Variants in NKAIN2 observed in about 807,000 individuals in gnomAD.
NKAIN2 encodes the protein sodium/potassium transporting ATPase interacting 2.
In NKAIN2, 14 loss-of-function variants were observed where a neutral mutation model predicts 32.6. That is an observed-to-expected ratio of 0.43 (90% CI 0.28 to 0.67). The LOEUF is 0.67. Among genes scored for constraint, NKAIN2 ranks in the 30% least tolerant of loss-of-function variants. NKAIN2 has a pLI of 0.17. For synonymous variants in NKAIN2, 80 were observed against 87.2 expected, an observed-to-expected ratio of 0.92 and a Z score of 0.46; for missense variants, 198 against 258.3, an observed-to-expected ratio of 0.77 and a Z score of 1.60.
Position 123,926,676 on chromosome 6 carries a change from G to T in NKAIN2, c.54+122422G>T, listed in dbSNP as rs956092119. On this transcript the variant is annotated intron_variant, in intron 1 of 6. Coordinates refer to ENST00000368417, the MANE Select transcript of NKAIN2 (RefSeq NM_001040214.3). ...CTCATCTTGATTTTAATAGTCATTGGTTTTTTCAGACTGTGTTAATATTTT... is the reference window on the plus strand; with the variant it reads ...CTCATCTTGATTTTAATAGTCATTGTTTTTTTCAGACTGTGTTAATATTTT... 3.3e-5 allele frequency among the ~76,000 whole-genome samples: 5 copies of T among 152,166 alleles called. No individual in the cohort carries two copies. The East Asian group carries it at 7.7e-4, about 24-fold the overall frequency.
intron 3 of NKAIN2, among the ~76,000 whole-genome samples, chr6:124,653,444 CAAAAAAAAA>C (rs35842873): frequency 0.015 from 1,167 of 79,764 alleles, 26 homozygotes; most frequent in African/African-American, 0.057. Flanking sequence ...CATCCACATG[CAAAAAAAAA>C]AAAAAAAAAA....
intron 1 of NKAIN2, among the ~76,000 whole-genome samples, chr6:124,241,794 T>G (rs1297363373): frequency 6.6e-6 from 1 of 151,912 alleles, no homozygotes; most frequent in Admixed American, 6.6e-5. Context: ...CCTTGTAAAA[T>G]CTATTTAATA....
chr6:123,825,657 G>GC (rs1441093489), intron 1 of NKAIN2, among the ~76,000 whole-genome samples: 2 of 152,228 alleles, frequency 1.3e-5, no homozygotes, highest in Middle Eastern at 3.4e-3. Context: ...TTCAGACTGA[G>GC]CTTTGTTTTG....
intron 3 of NKAIN2, among the ~76,000 whole-genome samples, chr6:124,598,049 T>C (rs1782158321): frequency 1.3e-5 from 2 of 152,278 alleles, no homozygotes; most frequent in South Asian, 2.1e-4. Flanking sequence ...TTTGAAGCTG[T>C]CTAACCTTTT....
chr6:124,403,084 A>G (rs373802243), intron 3 of NKAIN2, among the ~76,000 whole-genome samples: 1 of 138,770 alleles, frequency 7.2e-6, no homozygotes, highest in Non-Finnish European at 1.7e-5. Context: ...ACGTTGATTC[A>G]TTTGTTAGAA....
chr6:124,160,558 A>G (rs747553189), intron 1 of NKAIN2, among the ~76,000 whole-genome samples: 1 of 152,180 alleles, frequency 6.6e-6, no homozygotes, highest in Non-Finnish European at 1.5e-5. Context: ...TATGTTTTGC[A>G]TATATTCAGC....
intron 2 of NKAIN2, among the ~76,000 whole-genome samples, chr6:124,300,984 C>T (rs573797245): frequency 6.6e-6 from 1 of 152,254 alleles, no homozygotes; most frequent in African/African-American, 2.4e-5. Context: ...TAACAAGGAG[C>T]CAAATGCTAA....
At chr6:123,978,418 T>C (rs1441406542) in intron 1 of NKAIN2, among the ~76,000 whole-genome samples, 1 of 152,148 alleles carries the variant, frequency 6.6e-6, no homozygotes, top group Non-Finnish European at 1.5e-5. Flanking sequence ...TGTCATACTT[T>C]GGGGCAGAAT....
intron 1 of NKAIN2, among the ~76,000 whole-genome samples, chr6:124,182,045 A>T (rs1789470787): frequency 1.3e-5 from 2 of 152,206 alleles, no homozygotes; most frequent in South Asian, 4.1e-4. Flanking sequence ...AAGAGGTTTA[A>T]TTGTCTCACA....
intron 3 of NKAIN2, among the ~76,000 whole-genome samples, chr6:124,394,456 G>GAGATAGATAGATAGATAGATAGAT (rs59551274): frequency 1.4e-5 from 2 of 143,580 alleles, no homozygotes; most frequent in Admixed American, 1.4e-4. Context: ...GAATCAATAT[G>GAGATAGATAGATAGATAGATAGAT]AGATAGATAG....
chr6:124,515,721 C>T (rs1332136978), intron 3 of NKAIN2, among the ~76,000 whole-genome samples: 18 of 1,058 alleles, frequency 0.017, 7 homozygotes, highest in Admixed American at 0.022. Context: ...CTCTCCGTCT[C>T]GCTCTGTCGC....
At chr6:124,513,037 T>C (rs1267783550) in intron 3 of NKAIN2, among the ~76,000 whole-genome samples, 3 of 152,114 alleles carry the variant, frequency 2.0e-5, no homozygotes, top group African/African-American at 7.2e-5. Context: ...CTTCTGAGAA[T>C]GCAGAAATGT....
At chr6:124,641,470 T>C (rs375897563) in intron 3 of NKAIN2, among the ~76,000 whole-genome samples, 1 of 150,260 alleles carries the variant, frequency 6.7e-6, no homozygotes, top group East Asian at 2.0e-4. Context: ...TTTTACATTA[T>C]ATCTTTAGTG....
chr6:124,572,360 G>A (rs755666823), intron 3 of NKAIN2, among the ~76,000 whole-genome samples: 6 of 152,174 alleles, frequency 3.9e-5, no homozygotes, highest in Non-Finnish European at 7.3e-5. Flanking sequence ...TTAACATAAA[G>A]TTAGCCATCA....
At chr6:124,552,281 A>G (rs896782268) in intron 3 of NKAIN2, among the ~76,000 whole-genome samples, 4 of 152,198 alleles carry the variant, frequency 2.6e-5, no homozygotes, top group Non-Finnish European at 5.9e-5. Context: ...TTCAAAGCCT[A>G]TGGCAGGGAT....
At chr6:123,830,031 C>A (rs897158458) in intron 1 of NKAIN2, among the ~76,000 whole-genome samples, 1 of 152,150 alleles carries the variant, frequency 6.6e-6, no homozygotes. Context: ...AATGAAACAA[C>A]CTTAAATGTT....
chr6:124,388,190 A>C (rs1304820053), intron 3 of NKAIN2, among the ~76,000 whole-genome samples: 4 of 152,028 alleles, frequency 2.6e-5, no homozygotes, highest in Non-Finnish European at 5.9e-5. Flanking sequence ...TTACAAAAAA[A>C]AAACCCTGCT....
At chr6:124,275,932 T>C (rs73565614) in intron 1 of NKAIN2, among the ~76,000 whole-genome samples, 5,533 of 152,162 alleles carry the variant, frequency 0.036, 356 homozygotes, top group African/African-American at 0.13. Flanking sequence ...TTATGTATTA[T>C]AACATCCCCA....
intron 3 of NKAIN2, among the ~76,000 whole-genome samples, chr6:124,553,397 T>G (rs924530473): frequency 3.3e-4 from 51 of 152,298 alleles, no homozygotes; most frequent in African/African-American, 1.2e-3. Context: ...AACCTCCGCC[T>G]CCCAGGTTCA....
Sources: gnomAD v4.1 joint callset for allele counts (sites outside exome capture counted in the v4.1 genomes callset) on GRCh38, gnomAD v4.1.1 for gene constraint, MANE v1.5 for transcripts, NCBI Gene and HGNC (gene_info 2026-07-23, HGNC 2026-07-21) for gene names.